The following PDX1 variants were observed in gnomAD, a reference collection of about 807,000 sequenced individuals.
PDX1 encodes pancreas/duodenum homeobox protein 1.
A neutral mutation model predicts 11.1 loss-of-function variants in PDX1; 7 were observed. That is an observed-to-expected ratio of 0.63 (90% CI 0.36 to 1.19). The LOEUF is 1.19. Among genes scored for constraint, PDX1 ranks in the 50% most tolerant of loss-of-function variants. The probability of loss-of-function intolerance (pLI) is 0.02; values close to 1 mark genes in which losing one functional copy is unlikely to be tolerated. For synonymous variants in PDX1, 232 were observed against 196.2 expected (o/e 1.18, Z -1.53); for missense variants, 449 against 412.1 (o/e 1.09, Z -0.78).
Position 27,924,903 on chromosome 13 carries a change from C to A in PDX1, c.*202C>A, listed in dbSNP as rs1399628222. ...GGCCCCGCGGGTAGATGCCGGCAGG[C>A]CTTCCGGAAGAAAAAGAGCCATTGG... is the stretch of plus-strand genomic sequence containing the variant. On this transcript the variant is annotated 3_prime_UTR_variant, in exon 2 of 2. Transcript: ENST00000381033. This position sits in a 1 kb window ranked among gnomAD's most constrained non-coding sequence, Gnocchi z 4.8. 2.2e-6 allele frequency: 1 copy of A among 445,500 alleles called. No homozygotes were observed. The highest frequency in any genetic ancestry group is 3.8e-6 in the Non-Finnish European group (1 of 260,536). The allele number at this position is 445,500 out of a possible 1,614,324, so 27.6% of individuals were successfully genotyped here.
rs1312846489 is a variant in PDX1 at position 27,924,550 on chromosome 13, A to G, written c.701A>G (p.Glu234Gly). Residue 234 changes from glutamate to glycine, a missense_variant, in exon 2 of 2, where the codon GAG (glutamate) becomes GGG (glycine). By Grantham distance (98) the Glu-to-Gly change is moderately conservative (BLOSUM62 -2). This residue lies in a region of PDX1 where 139 missense variants were observed against 121.4 expected (regional missense o/e 1.14). Coordinates refer to ENST00000381033, the MANE Select transcript of PDX1 (RefSeq NM_000209.4). The surrounding 1 kb of genome is among the most constrained non-coding windows in gnomAD (Gnocchi z 4.8). The stretch of plus-strand genomic sequence containing the variant: ...GACTGCGCCGTGACCTCCGGCGAGG[A>G]GCTTCTGGCGCTGCCGCCGCCGCCG... ...EQDCAVTSGE[E>G]LLALPPPPPP... is the part of the protein sequence containing the mutation. The G allele has an allele frequency of 3.8e-6, 6 of 1,567,930 alleles. No homozygotes were observed. Among genetic ancestry groups the G allele is most frequent in the African/African-American group, 1.4e-5 (1 of 71,994 alleles).
Position 27,924,178 on chromosome 13 carries a change from C to T in PDX1, c.407-78C>T, listed in dbSNP as rs1957806590. The T allele has an allele frequency of 7.7e-7, 1 of 1,303,514 alleles. No individual in the cohort carries two copies. Among genetic ancestry groups the T allele is most frequent in the African/African-American group, 1.5e-5 (1 of 67,648 alleles). The allele number at this position is 1,303,514 out of a possible 1,614,324, so 80.7% of individuals were successfully genotyped here. A position where few individuals can be genotyped will look rare whatever the true frequency, so the allele number is the denominator to read the frequency against. On this transcript the variant is annotated intron_variant, in intron 1 of 1. Coordinates refer to ENST00000381033, the MANE Select transcript of PDX1 (RefSeq NM_000209.4). The surrounding 1 kb of genome is among the most constrained non-coding windows in gnomAD (Gnocchi z 4.8). ...GGTAGGGCTAGGGCTCCCTGGCCCC[C>T]CTTGAAGGGGTTGGGCTGCGTGGGT...
In PDX1 at chr13:27,920,236, C is replaced by A. The variant is rs767363575; in HGVS notation, c.98C>A (p.Pro33His). 7.1e-6 allele frequency: 11 copies of A among 1,548,360 alleles called. No individual in the cohort carries two copies. Among genetic ancestry groups the A allele is most frequent in the Middle Eastern group, 1.7e-4 (1 of 5,808 alleles). ...GCGCCGGAGTTCAGCGCCAGCCCCC[C>A]TGCGTGCCTGTACATGGGCCGCCAG... ...GPAPEFSASP[P>H]ACLYMGRQPP... is the part of the protein sequence containing the mutation. The change falls in exon 1 of 2, where the codon CCT becomes CAT. Residue 33 changes from proline (P) to histidine (H), a missense_variant. Pro to His is a moderately conservative substitution (Grantham distance 77). This residue lies in a region of PDX1 where 263 missense variants were observed against 212.5 expected (regional missense o/e 1.24). Transcript: ENST00000381033.
rs1282150897 is a variant in PDX1 at position 27,924,302 on chromosome 13, G to C, written c.453G>C (p.Thr151=). Residue 151 remains threonine, a synonymous_variant, in exon 2 of 2, where the codon ACG becomes ACC. Coordinates refer to ENST00000381033, the MANE Select transcript of PDX1 (RefSeq NM_000209.4). This position sits in a 1 kb window ranked among gnomAD's most constrained non-coding sequence, Gnocchi z 4.8. The stretch of plus-strand genomic sequence containing the variant: ...CGGAGGAGAACAAGCGGACGCGCAC[G>C]GCCTACACGCGCGCACAGCTGCTAG... ...AEPEENKRTR[T]AYTRAQLLEL... is the part of the protein sequence containing the mutation. 6.2e-7 allele frequency: 1 copy of C among 1,610,500 alleles called. No homozygotes were observed. The highest frequency in any genetic ancestry group is 1.3e-5 in the African/African-American group (1 of 74,816).
intron 1 of PDX1, among the ~76,000 whole-genome samples, chr13:27,922,070 C>A (rs928423300): frequency 6.6e-6 from 1 of 152,202 alleles, no homozygotes; most frequent in Non-Finnish European, 1.5e-5. Context: ...GCTTTCCCAC[C>A]CTGGGCCTTC....
intron 1 of PDX1, among the ~76,000 whole-genome samples, chr13:27,921,449 G>C (rs12869480): frequency 6.6e-6 from 1 of 152,362 alleles, no homozygotes; most frequent in Non-Finnish European, 1.5e-5. Context: ...CCGCGCGAGC[G>C]GCAAGTTCCG....
rs1344773230 is a variant in PDX1, at chr13:27,925,505, G to A, written c.*804G>A. 7.6e-6 allele frequency: 1 copy of A among 131,234 alleles called. No homozygotes were observed. The highest frequency in any genetic ancestry group is 3.6e-5 in the African/African-American group (1 of 28,036). 8.1% of individuals were successfully genotyped at this position (131,234 alleles called of 1,614,324 possible). On this transcript the variant is annotated 3_prime_UTR_variant, in exon 2 of 2. Transcript: ENST00000381033. Reference sequence around the variant, plus strand: ...TCTTCCTCTTCCTCCTCTTCCACGTGCTCTCCTTTCCTCCCCCTCCTCTTG... The same window carrying A: ...TCTTCCTCTTCCTCCTCTTCCACGTACTCTCCTTTCCTCCCCCTCCTCTTG...
intron 1 of PDX1, among the ~76,000 whole-genome samples, chr13:27,923,753 C>T (rs1241862626): frequency 6.6e-6 from 1 of 152,132 alleles, no homozygotes; most frequent in Non-Finnish European, 1.5e-5. Flanking sequence ...TGTTTTATGT[C>T]CTTAAGATTT....
chr13:27,923,965 G>A lies in PDX1; in HGVS notation c.407-291G>A, dbSNP rs73169687. ...CAGTTGATTAACACCGATTATATGA[G>A]CGCATTCAAGGACCACTCATTGGCA... On this transcript the variant is annotated intron_variant, in intron 1 of 1. Transcript: ENST00000381033. Among the ~76,000 whole-genome samples the A allele has an allele frequency of 0.13, 19,512 of 152,260 alleles. 1,415 individuals carry two copies. The highest frequency in any genetic ancestry group is 0.23 in the South Asian group (1,128 of 4,830).
chr13:27,924,789 C>T lies in PDX1; in HGVS notation c.*88C>T, dbSNP rs17847223. The stretch of plus-strand genomic sequence containing the variant: ...AGGAGGACCCCGGGCGTGGACCACC[C>T]GCCCTGGCAGTTGAATGGGGCGGCA... On this transcript the variant is annotated 3_prime_UTR_variant, in exon 2 of 2. Coordinates refer to ENST00000381033, the MANE Select transcript of PDX1 (RefSeq NM_000209.4). This position sits in a 1 kb window ranked among gnomAD's most constrained non-coding sequence, Gnocchi z 4.8. 237 of 1,095,814 alleles carry T rather than the reference C, an allele frequency of 2.2e-4. 3 individuals carry two copies. The East Asian group carries it at 7.7e-3, about 36-fold the overall frequency. The allele number at this position is 1,095,814 out of a possible 1,614,324, so 67.9% of individuals were successfully genotyped here.
intron 1 of PDX1, among the ~76,000 whole-genome samples, chr13:27,920,911 G>T (rs1383622459): frequency 6.6e-6 from 1 of 152,236 alleles, no homozygotes; most frequent in African/African-American, 2.4e-5. Flanking sequence ...AGGACTCCTT[G>T]GTAGTGCACA....
Position 27,920,166 on chromosome 13 carries a change from G to A in PDX1, c.28G>A (p.Ala10Thr), listed in dbSNP as rs936474667. MNGEEQYYA[A>T]TQLYKDPCAF... is the part of the protein sequence containing the mutation. ...GAACGGCGAGGAGCAGTACTACGCG[G>A]CCACGCAGCTTTACAAGGACCCATG... is the stretch of plus-strand genomic sequence containing the variant. The change falls in exon 1 of 2, where the codon GCC becomes ACC. Residue 10 changes from alanine to threonine, a missense_variant. By Grantham distance (58) the Ala-to-Thr change is moderately conservative (BLOSUM62 0). Around this residue, in one of 3 missense-constraint regions of PDX1, gnomAD observed 263 missense variants for 212.5 expected, o/e 1.24. Transcript: ENST00000381033. 22 of 1,549,844 alleles carry A rather than the reference G, an allele frequency of 1.4e-5. No homozygotes were observed. In the African/African-American group the frequency reaches 2.5e-4, roughly 17 times the overall value.
chr13:27,920,429 C>T lies in PDX1; in HGVS notation c.291C>T (p.Ala97=), dbSNP rs1214429438. 1.9e-6 allele frequency: 3 copies of T among 1,575,220 alleles called. No homozygotes were observed. The highest frequency in any genetic ancestry group is 1.3e-5 in the African/African-American group (1 of 74,330). Residue 97 remains alanine, a synonymous_variant, in exon 1 of 2, where the codon GCC becomes GCT. Coordinates refer to ENST00000381033, the MANE Select transcript of PDX1 (RefSeq NM_000209.4). The part of the protein sequence containing the change: ...PAQLALPHPP[A]GPFPEGAEPG... ...AGCTCGCGCTCCCCCACCCGCCCGCCGGGCCCTTCCCGGAGGGAGCCGAGC... is the reference window on the plus strand; with the variant it reads ...AGCTCGCGCTCCCCCACCCGCCCGCTGGGCCCTTCCCGGAGGGAGCCGAGC...
At position 27,924,824 on chromosome 13, in the gene PDX1, C is replaced by T; in HGVS notation, c.*123C>T. 3 of 827,686 alleles carry T rather than the reference C, an allele frequency of 3.6e-6. No homozygotes were observed. Among genetic ancestry groups the T allele is most frequent in the Non-Finnish European group, 5.0e-6 (3 of 601,440 alleles). The allele number at this position is 827,686 out of a possible 1,614,324, so 51.3% of individuals were successfully genotyped here. A position where few individuals can be genotyped will look rare whatever the true frequency, so the allele number is the denominator to read the frequency against. On this transcript the variant is annotated 3_prime_UTR_variant, in exon 2 of 2. Coordinates refer to ENST00000381033, the MANE Select transcript of PDX1 (RefSeq NM_000209.4). The surrounding 1 kb of genome is among the most constrained non-coding windows in gnomAD (Gnocchi z 4.8). Reference sequence around the variant, plus strand: ...GTTGAATGGGGCGGCAATTGCGGGGCCCACCTTAGACCGAAGGGGAAAACC... The same window carrying T: ...GTTGAATGGGGCGGCAATTGCGGGGTCCACCTTAGACCGAAGGGGAAAACC...
intron 1 of PDX1, among the ~76,000 whole-genome samples, chr13:27,922,050 C>G (rs1375208075): frequency 6.6e-6 from 1 of 152,176 alleles, no homozygotes; most frequent in African/African-American, 2.4e-5. Flanking sequence ...CCTAGGCCCT[C>G]GGAGCTCCTG....
rs1566026194 is a variant in PDX1, at chr13:27,925,541, TC to T, written c.*844del. 5.9e-6 allele frequency: 1 copy of T among 169,458 alleles called. No individual in the cohort carries two copies. The highest frequency in any genetic ancestry group is 6.5e-5 in the Admixed American group (1 of 15,392). The allele number at this position is 169,458 out of a possible 1,614,324, so 10.5% of individuals were successfully genotyped here. ...CTCCCCCTCCTCTTGCTCCCCTTCTTCCCCGTCCTCTTCCTCCTCCTCCTCT... is the reference window on the plus strand; with the variant it reads ...CTCCCCCTCCTCTTGCTCCCCTTCTTCCCGTCCTCTTCCTCCTCCTCCTCT... On this transcript the variant is annotated 3_prime_UTR_variant, in exon 2 of 2. Transcript: ENST00000381033.
In PDX1 at chr13:27,920,128, G is replaced by A. The variant is rs978926784; in HGVS notation, c.-11G>A. On this transcript the variant is annotated 5_prime_UTR_variant, in exon 1 of 2. Transcript: ENST00000381033. ...CTCCCGGCTCCCGGTGCCCAATCCCGGGCCGCAGCCATGAACGGCGAGGAG... is the reference window on the plus strand; with the variant it reads ...CTCCCGGCTCCCGGTGCCCAATCCCAGGCCGCAGCCATGAACGGCGAGGAG... The A allele has an allele frequency of 1.1e-5, 17 of 1,549,394 alleles. No homozygotes were observed. In the African/African-American group the frequency reaches 1.5e-4, roughly 14 times the overall value.
chr13:27,920,101 G>A lies in PDX1; in HGVS notation c.-38G>A, dbSNP rs1401032050. 7.8e-6 allele frequency: 12 copies of A among 1,547,748 alleles called. No homozygotes were observed. Among genetic ancestry groups the A allele is most frequent in the Non-Finnish European group, 1.0e-5 (12 of 1,145,676 alleles). On this transcript the variant is annotated 5_prime_UTR_variant, in exon 1 of 2. Transcript: ENST00000381033. ...CTCCAGCTCCCGACTCCCGGCTCCC[G>A]GCTCCCGGCTCCCGGTGCCCAATCC...
chr13:27,923,525 A>G (rs1203309016), intron 1 of PDX1, among the ~76,000 whole-genome samples: 2 of 152,260 alleles, frequency 1.3e-5, no homozygotes, highest in African/African-American at 4.8e-5. Flanking sequence ...GCTGGCTCTC[A>G]GGTTGGGACT....
Sources: allele counts gnomAD v4.1 joint callset (sites outside exome capture counted in the v4.1 genomes callset), GRCh38; gene constraint gnomAD v4.1.1; regional missense constraint gnomAD v4.1.1; non-coding constraint Gnocchi (gnomAD v3.1); transcripts MANE v1.5; gene names NCBI Gene and HGNC (gene_info 2026-07-23, HGNC 2026-07-21).